SPATS2: variants seen among roughly 807,000 people sequenced by gnomAD.
SPATS2 encodes the protein spermatogenesis associated serine rich 2, also known as spermatogenesis-associated serine-rich protein 2.
In SPATS2, 38 loss-of-function variants were observed where a neutral mutation model predicts 63.7. The observed-to-expected ratio is 0.60, with a 90% CI of 0.46 to 0.78. The LOEUF is 0.78. Ranked by LOEUF, SPATS2 falls within the 30% of genes least tolerant of loss-of-function variation. The probability of loss-of-function intolerance (pLI) is 0.00; values close to 1 mark genes in which losing one functional copy is unlikely to be tolerated. For missense variants in SPATS2, 588 were observed against 666.2 expected (o/e 0.88, Z 1.29); for synonymous variants, 207 against 232.9 (o/e 0.89, Z 1.01).
chr12:49,385,244 A>G (rs1944291788), intron 2 of SPATS2, among the ~76,000 whole-genome samples: 1 of 151,802 alleles, frequency 6.6e-6, no homozygotes, highest in Non-Finnish European at 1.5e-5. Flanking sequence ...GAAGGAGTGA[A>G]ATGTTTAGTA....
chr12:49,507,539 T>C (rs1206210814), intron 9 of SPATS2, among the ~76,000 whole-genome samples: 2 of 152,218 alleles, frequency 1.3e-5, no homozygotes, highest in African/African-American at 4.8e-5. Context: ...CCTCTTACTT[T>C]TACTATATTG....
intron 6 of SPATS2, among the ~76,000 whole-genome samples, chr12:49,493,538 A>G (rs1946418887): frequency 6.6e-6 from 1 of 151,836 alleles, no homozygotes; most frequent in Admixed American, 6.6e-5. Flanking sequence ...AGTAGGTGGG[A>G]TTACAGGCAT....
intron 4 of SPATS2, among the ~76,000 whole-genome samples, chr12:49,488,928 A>G (rs568581466): frequency 1.3e-5 from 2 of 152,280 alleles, no homozygotes; most frequent in East Asian, 1.9e-4. Flanking sequence ...GGCTTCAATT[A>G]TATTTATTTT....
At chr12:49,508,052 A>G (rs976727892) in intron 9 of SPATS2, among the ~76,000 whole-genome samples, 1 of 152,216 alleles carries the variant, frequency 6.6e-6, no homozygotes, top group African/African-American at 2.4e-5. Flanking sequence ...GGGCACAAAA[A>G]TATTTTACCC....
At chr12:49,509,176 T>C (rs761418551) in intron 9 of SPATS2, among the ~76,000 whole-genome samples, 3 of 151,802 alleles carry the variant, frequency 2.0e-5, no homozygotes, top group Non-Finnish European at 4.4e-5. Flanking sequence ...GATTAGCTTA[T>C]AACTGAGGTG....
intron 2 of SPATS2, among the ~76,000 whole-genome samples, chr12:49,383,016 A>T (rs1033131689): frequency 9.8e-5 from 14 of 142,768 alleles, no homozygotes; most frequent in African/African-American, 3.7e-4. Flanking sequence ...TTTAAATTTT[A>T]TTATTATTAT....
At chr12:49,412,443 C>T (rs1330701205) in intron 2 of SPATS2, among the ~76,000 whole-genome samples, 1 of 152,084 alleles carries the variant, frequency 6.6e-6, no homozygotes. Context: ...CTCGGGTGAT[C>T]GGCCTGCCTT....
In SPATS2 at chr12:49,494,765, A is replaced by C; in HGVS notation, c.289A>C (p.Lys97Gln). ...GAACAAAAAGAAGAAAAACAAACCG[A>C]AACCTGCCGCAGAACCAAGTAACGG... ...KKNKKKKNKPKPAAEPSNGIP... is the reference protein window; with the variant it reads ...KKNKKKKNKPQPAAEPSNGIP... Residue 97 changes from lysine to glutamine, a missense_variant, in exon 7 of 14, where the codon AAA becomes CAA. Physicochemically the swap from Lys to Gln is moderately conservative, Grantham distance 53 (BLOSUM62 1). Coordinates refer to ENST00000552918, the MANE Select transcript of SPATS2 (RefSeq NM_023071.4). 6.3e-7 allele frequency: 1 copy of C among 1,582,716 alleles called. No homozygotes were observed. The highest frequency in any genetic ancestry group is 8.6e-7 in the Non-Finnish European group (1 of 1,167,110).
intron 3 of SPATS2, among the ~76,000 whole-genome samples, chr12:49,464,969 ATATTAG>A (rs1275918580): frequency 6.6e-6 from 1 of 152,202 alleles, no homozygotes; most frequent in Non-Finnish European, 1.5e-5. Context: ...TCATATACAC[ATATTAG>A]TACAATATAG....
intron 2 of SPATS2, among the ~76,000 whole-genome samples, chr12:49,447,175 C>A (rs1037135468): frequency 6.6e-6 from 1 of 152,220 alleles, no homozygotes; most frequent in Non-Finnish European, 1.5e-5. Flanking sequence ...GGTGATCCAC[C>A]CGCCTTGGCC....
chr12:49,413,632 C>T (rs1565709779), intron 2 of SPATS2, among the ~76,000 whole-genome samples: 1 of 152,110 alleles, frequency 6.6e-6, no homozygotes, highest in African/African-American at 2.4e-5. Context: ...CCCAGAATCT[C>T]GCCTAATACA....
chr12:49,447,493 T>C (rs1029568159), intron 2 of SPATS2, among the ~76,000 whole-genome samples: 8 of 152,212 alleles, frequency 5.3e-5, no homozygotes, highest in Admixed American at 1.3e-4. Context: ...CACCTCGGCC[T>C]CCCAAAGTGC....
intron 4 of SPATS2, among the ~76,000 whole-genome samples, chr12:49,487,077 TATA>T (rs1946307427): frequency 6.6e-6 from 1 of 152,186 alleles, no homozygotes; most frequent in Admixed American, 6.5e-5. Flanking sequence ...AACCCTACAG[TATA>T]ATATTACTAC....
At chr12:49,428,211 C>T (rs1190538077) in intron 2 of SPATS2, among the ~76,000 whole-genome samples, 2 of 151,810 alleles carry the variant, frequency 1.3e-5, no homozygotes, top group Admixed American at 6.6e-5. Context: ...GTCGAGATAG[C>T]GCCACTGCAC....
At chr12:49,373,584 G>C (rs762419779) in intron 2 of SPATS2, among the ~76,000 whole-genome samples, 14 of 149,702 alleles carry the variant, frequency 9.4e-5, no homozygotes, top group Middle Eastern at 6.8e-3. Flanking sequence ...TTCAGACCAG[G>C]AGTTTGAGAC....
At chr12:49,420,398 A>G (rs1407030128) in intron 2 of SPATS2, among the ~76,000 whole-genome samples, 5 of 152,172 alleles carry the variant, frequency 3.3e-5, no homozygotes, top group African/African-American at 1.2e-4. Context: ...GTTTGAGACC[A>G]GCCTGGCCAA....
chr12:49,477,259 C>A (rs1946134135), intron 3 of SPATS2, among the ~76,000 whole-genome samples: 1 of 152,138 alleles, frequency 6.6e-6, no homozygotes, highest in Non-Finnish European at 1.5e-5. Flanking sequence ...TCAAGCTCTA[C>A]CTGGAAAATT....
At chr12:49,377,237 T>G (rs1215741990) in intron 2 of SPATS2, among the ~76,000 whole-genome samples, 1 of 152,196 alleles carries the variant, frequency 6.6e-6, no homozygotes. Flanking sequence ...TTGGCATTTG[T>G]CATTAGCCTA....
chr12:49,513,210 AGT>A (rs71860115), intron 9 of SPATS2, among the ~76,000 whole-genome samples: 4,690 of 147,636 alleles, frequency 0.032, 97 homozygotes, highest in African/African-American at 0.065. Flanking sequence ...AGAGAGAAAG[AGT>A]GTGTGTGTGT....
Sources: allele counts gnomAD v4.1 joint callset (sites outside exome capture counted in the v4.1 genomes callset), GRCh38; gene constraint gnomAD v4.1.1; transcripts MANE v1.5; gene names NCBI Gene and HGNC (gene_info 2026-07-23, HGNC 2026-07-21).